VCAN: variants seen among roughly 807,000 people sequenced by gnomAD.
The protein encoded by VCAN is versican core protein.
Under a neutral mutation model 245.5 loss-of-function variants are expected in VCAN, and 44 were observed. The ratio of observed to expected loss-of-function variants is 0.18; its 90% confidence interval spans 0.14 to 0.23. The LOEUF is 0.23. Ranked by LOEUF, VCAN falls within the 10% of genes least tolerant of loss-of-function variation. The probability of loss-of-function intolerance (pLI) is 1.00; values close to 1 mark genes in which losing one functional copy is unlikely to be tolerated. For missense variants in VCAN, 3,793 were observed against 4,057.9 expected, an observed-to-expected ratio of 0.93 and a Z score of 1.77; for synonymous variants, 1,413 against 1,437.0, an observed-to-expected ratio of 0.98 and a Z score of 0.38.
intron 13 of VCAN, among the ~76,000 whole-genome samples, chr5:83,574,063 G>A (rs1292057469): frequency 6.6e-6 from 1 of 152,150 alleles, no homozygotes; most frequent in Non-Finnish European, 1.5e-5. Flanking sequence ...GTAAGTCCTG[G>A]AATCCAAAGG....
At chr5:83,501,377 A>G (rs1332319351) in intron 5 of VCAN, among the ~76,000 whole-genome samples, 2 of 152,158 alleles carry the variant, frequency 1.3e-5, no homozygotes, top group Non-Finnish European at 2.9e-5. Context: ...ACATTGCCAA[A>G]TCCCCAGTCA....
chr5:83,525,945 CTT>C (rs1359254349), intron 7 of VCAN, among the ~76,000 whole-genome samples: 1 of 145,808 alleles, frequency 6.9e-6, no homozygotes. Context: ...AGAGTCATCA[CTT>C]TTTTTTTTTT....
chr5:83,479,142 C>T (rs562344805), intron 1 of VCAN, among the ~76,000 whole-genome samples: 3 of 152,214 alleles, frequency 2.0e-5, no homozygotes, highest in Admixed American at 6.5e-5. Flanking sequence ...TGAGAAAGAA[C>T]CAGTGAGCAA....
intron 10 of VCAN, among the ~76,000 whole-genome samples, chr5:83,552,535 T>G (rs1747508741): frequency 6.6e-6 from 1 of 152,186 alleles, no homozygotes; most frequent in Non-Finnish European, 1.5e-5. Flanking sequence ...ATGTAAAAAT[T>G]GGCAACCTAG....
intron 11 of VCAN, among the ~76,000 whole-genome samples, chr5:83,554,039 C>T (rs1747570106): frequency 6.6e-6 from 1 of 152,190 alleles, no homozygotes; most frequent in African/African-American, 2.4e-5. Context: ...GAGCTACATC[C>T]TAAGAACTTG....
At chr5:83,542,368 T>G (rs1483385321) in intron 8 of VCAN, 100 bp downstream of exon 8, 1 of 1,280,598 alleles carries the variant, frequency 7.8e-7, no homozygotes, top group African/African-American at 1.5e-5. Context: ...GTTAAATCAA[T>G]GGAGAGTTTC....
intron 5 of VCAN, among the ~76,000 whole-genome samples, chr5:83,511,146 CTCT>C (rs1248511919): frequency 6.6e-6 from 1 of 150,728 alleles, no homozygotes; most frequent in Non-Finnish European, 1.5e-5. Context: ...GAGTCTTTCT[CTCT>C]TTTTTTTTTC....
chr5:83,489,333 GGTAATGGTGTTAAACT>G (rs1389535062), intron 2 of VCAN, among the ~76,000 whole-genome samples: 3 of 152,162 alleles, frequency 2.0e-5, no homozygotes, highest in Non-Finnish European at 4.4e-5. Context: ...TTATTTTGCA[GGTAATGGTGTTAAACT>G]GTAGTCAATA....
At position 83,541,202 on chromosome 5, in the gene VCAN, C is replaced by G. The variant is rs769819295; in HGVS notation, c.8199C>G (p.Asp2733Glu). The stretch of plus-strand genomic sequence containing the variant: ...TGTCTGATGGTCAAGCTATTGCAGA[C>G]CAAAGTGAAATAATACCAACATTGG... ...STLSDGQAIA[D>E]QSEIIPTLGQ... is the part of the protein sequence containing the mutation. Residue 2733 changes from aspartate (D) to glutamate (E), a missense_variant, in exon 8 of 15, where the codon GAC becomes GAG. Around this residue, in one of 5 missense-constraint regions of VCAN, gnomAD observed 3,182 missense variants for 3,250.3 expected, o/e 0.98. Transcript: ENST00000265077. The G allele has an allele frequency of 6.2e-7, 1 of 1,613,896 alleles. No homozygotes were observed. Among genetic ancestry groups the G allele is most frequent in the Non-Finnish European group, 8.5e-7 (1 of 1,179,972 alleles).
At position 83,490,382 on chromosome 5, in the gene VCAN, A is replaced by G; in HGVS notation, c.355A>G (p.Lys119Glu). ...GGGCGATGCCTCCCTCACTGTGGTC[A>G]AGCTGCTGGCAAGTGATGCGGGTCT... is the stretch of plus-strand genomic sequence containing the variant. Reference protein sequence around the residue: ...AVGDASLTVVKLLASDAGLYR... With the variant: ...AVGDASLTVVELLASDAGLYR... Residue 119 changes from lysine to glutamate, a missense_variant, in exon 3 of 15, where the codon AAG becomes GAG. This residue lies in a region of VCAN where 179 missense variants were observed against 169.7 expected (regional missense o/e 1.05). Coordinates refer to ENST00000265077, the MANE Select transcript of VCAN (RefSeq NM_004385.5). The G allele has an allele frequency of 6.2e-7, 1 of 1,614,216 alleles. No individual in the cohort carries two copies. Among genetic ancestry groups the G allele is most frequent in the Non-Finnish European group, 8.5e-7 (1 of 1,180,028 alleles).
chr5:83,524,304 G>A (rs73769474), intron 7 of VCAN, among the ~76,000 whole-genome samples: 8,136 of 152,186 alleles, frequency 0.053, 708 homozygotes, highest in African/African-American at 0.18. Context: ...CCTGGGAGAC[G>A]TATATAGGTG....
At chr5:83,552,207 A>G (rs1747496817) in intron 10 of VCAN, among the ~76,000 whole-genome samples, 1 of 152,226 alleles carries the variant, frequency 6.6e-6, no homozygotes, top group Non-Finnish European at 1.5e-5. Context: ...ATAAGAGTCA[A>G]GAGACAATCT....
Position 83,490,956 on chromosome 5 carries a change from A to G in VCAN, c.445+484A>G, listed in dbSNP as rs371741477. Among the ~76,000 whole-genome samples the G allele has an allele frequency of 8.3e-4, 127 of 152,310 alleles. 1 individual carries two copies. The Middle Eastern group carries it at 0.031, about 37-fold the overall frequency. On this transcript the variant is annotated intron_variant, in intron 3 of 14. Coordinates refer to ENST00000265077, the MANE Select transcript of VCAN (RefSeq NM_004385.5). ...TTTGAGTTTGCTTTTAGGAAATTCT[A>G]TCTTAACTTATACCGAAGAAATAAG... is the stretch of plus-strand genomic sequence containing the variant.
At chr5:83,547,549 TTAGA>T (rs112203262) in intron 9 of VCAN, among the ~76,000 whole-genome samples, 105 of 152,278 alleles carry the variant, frequency 6.9e-4, no homozygotes, top group African/African-American at 2.5e-3. Context: ...GTGAGGCCAG[TTAGA>T]TACTTTGAGT....
chr5:83,474,543 G>A (rs1744313843), intron 1 of VCAN, among the ~76,000 whole-genome samples: 1 of 152,234 alleles, frequency 6.6e-6, no homozygotes, highest in African/African-American at 2.4e-5. Context: ...GCCAAGGGAG[G>A]ACCCGCAACG....
chr5:83,539,084 C>G lies in VCAN; in HGVS notation c.6081C>G (p.Pro2027=). ...GCAGCTCTGTTGTTCCAGTGCTTCC[C>G]AGTGCTGTGCAAAAGTTTTCTGGTA... is the stretch of plus-strand genomic sequence containing the variant. ...TVSSSVVPVL[P]SAVQKFSGTA... The change falls in exon 8 of 15, where the codon CCC becomes CCG. Residue 2027 remains proline (P), a synonymous_variant. Coordinates refer to ENST00000265077, the MANE Select transcript of VCAN (RefSeq NM_004385.5). 6.2e-7 allele frequency: 1 copy of G among 1,613,974 alleles called. No homozygotes were observed. Among genetic ancestry groups the G allele is most frequent in the East Asian group, 2.2e-5 (1 of 44,826 alleles).
rs530934608 is a variant in VCAN, at chr5:83,535,150, T to C, written c.4004-1857T>C. 2.0e-5 allele frequency among the ~76,000 whole-genome samples: 3 copies of C among 152,264 alleles called. No individual in the cohort carries two copies. In the East Asian group the frequency reaches 5.8e-4, roughly 29 times the overall value. ...ATGTTTTTATAACACACTAGAGTTATGTATTTATCTCGCTTCTCTTTGTGG... is the reference window on the plus strand; with the variant it reads ...ATGTTTTTATAACACACTAGAGTTACGTATTTATCTCGCTTCTCTTTGTGG... On this transcript the variant is annotated intron_variant, in intron 7 of 14. Transcript: ENST00000265077.
At chr5:83,472,891 T>A (rs1744245416) in intron 1 of VCAN, among the ~76,000 whole-genome samples, 1 of 151,996 alleles carries the variant, frequency 6.6e-6, no homozygotes, top group African/African-American at 2.4e-5. Flanking sequence ...AAGAGTGAAA[T>A]AGGGTCTGTC....
intron 13 of VCAN, among the ~76,000 whole-genome samples, chr5:83,577,569 A>C (rs1020039141): frequency 6.6e-6 from 1 of 152,144 alleles, no homozygotes; most frequent in African/African-American, 2.4e-5. Flanking sequence ...GCTTCCAATA[A>C]GCCTTTATCA....
Sources: allele counts gnomAD v4.1 joint callset (sites outside exome capture counted in the v4.1 genomes callset), GRCh38; gene constraint gnomAD v4.1.1; regional missense constraint gnomAD v4.1.1; transcripts MANE v1.5; gene names NCBI Gene and HGNC (gene_info 2026-07-23, HGNC 2026-07-21).